Variants in MYO1F observed in about 807,000 individuals in gnomAD.
MYO1F encodes the protein myosin IF, also known as unconventional myosin-If.
In MYO1F, 60 loss-of-function variants were observed where a neutral mutation model predicts 146.6. The ratio of observed to expected loss-of-function variants is 0.41; its 90% CI spans 0.33 to 0.51. MYO1F has a LOEUF of 0.51. Among genes scored for constraint, MYO1F ranks in the 20% least tolerant of loss-of-function variants. The probability of loss-of-function intolerance (pLI) is 0.25; values close to 1 mark genes in which losing one functional copy is unlikely to be tolerated. For missense variants in MYO1F, 1,274 were observed against 1,534.3 expected (o/e 0.83, Z 2.83); for synonymous variants, 602 against 602.1 (o/e 1.00, Z 0.00).
At chr19:8,545,800 T>C in intron 12 of MYO1F, 64 bp from the exon 13 acceptor site, 3 of 1,123,000 alleles carry the variant, frequency 2.7e-6, no homozygotes, top group South Asian at 1.2e-5. Flanking sequence ...CTTCCCCCCA[T>C]GTCCTCTCCC....
rs1555734072 is a variant in MYO1F, at chr19:8,577,365, T to C, written c.-56A>G. ...GCTCCTGAATGGGTCGTGATGGAGG[T>C]GCAGGTTCAGGGGGATCTTGGGGGT... On this transcript the variant is annotated 5_prime_UTR_variant, in exon 1 of 28. Transcript: ENST00000644032. This position sits in a 1 kb window ranked among gnomAD's most constrained non-coding sequence, Gnocchi z 4.3. 2.5e-6 allele frequency: 4 copies of C among 1,609,448 alleles called. No homozygotes were observed. The highest frequency in any genetic ancestry group is 3.4e-6 in the Non-Finnish European group (4 of 1,176,370).
intron 1 of MYO1F, among the ~76,000 whole-genome samples, chr19:8,567,241 T>A (rs1449074584): frequency 6.6e-6 from 1 of 151,696 alleles, no homozygotes; most frequent in Admixed American, 6.6e-5. Context: ...AATTTTTGTA[T>A]TTTTAGTAGA....
At chr19:8,571,900 G>A (rs1439924678) in intron 1 of MYO1F, among the ~76,000 whole-genome samples, 1 of 151,004 alleles carries the variant, frequency 6.6e-6, no homozygotes, top group African/African-American at 2.4e-5. Flanking sequence ...CCCAGCCCCT[G>A]TATTTTTAGA....
intron 24 of MYO1F, 50 bp from the exon 25 acceptor site, chr19:8,525,612 G>A (rs1972234587): frequency 1.3e-6 from 2 of 1,504,922 alleles, no homozygotes; most frequent in Non-Finnish European, 1.8e-6. Context: ...CACGCTCTTT[G>A]CCCCGCCCAC....
intron 1 of MYO1F, among the ~76,000 whole-genome samples, chr19:8,574,579 C>CTTTCTTTCTTTCTT (rs782195626): frequency 3.2e-4 from 28 of 88,884 alleles, no homozygotes; most frequent in Non-Finnish European, 4.1e-4. Context: ...TTCTTTCTTT[C>CTTTCTTTCTTTCTT]TCTCTCTCTC....
chr19:8,527,063 G>A (rs1972303188), intron 22 of MYO1F, 128 bp from the exon 23 acceptor site: 3 of 1,297,384 alleles, frequency 2.3e-6, no homozygotes, highest in African/African-American at 1.5e-5. Flanking sequence ...CGGTGACCAG[G>A]TAGGAGAAAA....
chr19:8,562,176 T>C (rs1362289939), intron 1 of MYO1F, among the ~76,000 whole-genome samples: 1 of 150,876 alleles, frequency 6.6e-6, no homozygotes, highest in African/African-American at 2.5e-5. Flanking sequence ...TTTTTTTTTG[T>C]ATTTTTAGTG....
At chr19:8,552,233 G>A (rs1973643897) in intron 6 of MYO1F, 69 bp from the exon 7 acceptor site, 7 of 1,532,710 alleles carry the variant, frequency 4.6e-6, no homozygotes, top group Non-Finnish European at 6.3e-6. Context: ...GTTGGGGATG[G>A]GTCTTATGAG....
intron 22 of MYO1F, 22 bp downstream of exon 22, chr19:8,527,316 G>T (rs1477242616): frequency 1.2e-6 from 2 of 1,613,814 alleles, no homozygotes; most frequent in South Asian, 2.2e-5. Context: ...TGACTGTGCG[G>T]CAGGTAAGGA....
intron 14 of MYO1F, among the ~76,000 whole-genome samples, chr19:8,543,690 G>C (rs1404698416): frequency 0.015 from 295 of 19,368 alleles, no homozygotes; most frequent in Non-Finnish European, 0.022. Context: ...GGTGGTGGTG[G>C]TGGTGGTGGT....
At chr19:8,534,655 T>A (rs1333209997) in intron 19 of MYO1F, among the ~76,000 whole-genome samples, 1 of 151,466 alleles carries the variant, frequency 6.6e-6, no homozygotes, top group Admixed American at 6.6e-5. Flanking sequence ...AGATGGAGTC[T>A]CACTCTGTTG....
intron 1 of MYO1F, among the ~76,000 whole-genome samples, chr19:8,560,345 T>C (rs1328384121): frequency 6.7e-6 from 1 of 150,246 alleles, no homozygotes; most frequent in Non-Finnish European, 1.5e-5. Flanking sequence ...AGTAGCCGGG[T>C]GTGGGGGTGC....
In MYO1F at chr19:8,530,682, C is replaced by T. The variant is rs1238114122; in HGVS notation, c.2044-109G>A. The T allele has an allele frequency of 2.4e-6, 2 of 848,272 alleles. No homozygotes were observed. The highest frequency in any genetic ancestry group is 3.9e-6 in the Non-Finnish European group (2 of 510,326). The allele number at this position is 848,272 out of a possible 1,614,324, so 52.5% of individuals were successfully genotyped here. A position where few individuals can be genotyped will look rare whatever the true frequency, so the allele number is the denominator to read the frequency against. On this transcript the variant is annotated intron_variant, in intron 19 of 27. Coordinates refer to ENST00000644032, the MANE Select transcript of MYO1F (RefSeq NM_012335.4). This position sits in a 1 kb window ranked among gnomAD's most constrained non-coding sequence, Gnocchi z 5.8. ...ACTCACACGCTTTTGCTCACCCATC[C>T]CCACACATGTGCTAATTTTTTTAAG...
intron 19 of MYO1F, among the ~76,000 whole-genome samples, chr19:8,532,901 A>AAAAATAT (rs1172873322): frequency 2.1e-5 from 1 of 47,826 alleles, no homozygotes; most frequent in African/African-American, 1.1e-4. Flanking sequence ...AAAAAAAAAA[A>AAAAATAT]ATACACACAC....
At chr19:8,546,911 T>G (rs1973383234) in intron 12 of MYO1F, among the ~76,000 whole-genome samples, 1 of 152,024 alleles carries the variant, frequency 6.6e-6, no homozygotes, top group African/African-American at 2.4e-5. Flanking sequence ...ACTCCTGACC[T>G]CAGGTGATCC....
intron 12 of MYO1F, 38 bp downstream of exon 12, chr19:8,547,998 C>G (rs745398695): frequency 8.0e-7 from 1 of 1,249,192 alleles, no homozygotes; most frequent in Non-Finnish European, 1.2e-6. Flanking sequence ...CCCACCCCCA[C>G]CCCAGGATCC....
chr19:8,554,875 C>T, intron 2 of MYO1F, 132 bp from the exon 3 acceptor site: 1 of 872,750 alleles, frequency 1.1e-6, no homozygotes, highest in Non-Finnish European at 1.9e-6. Flanking sequence ...ATGGATGCAC[C>T]TCGAGTCTCT....
In MYO1F at chr19:8,536,262, T is replaced by A; in HGVS notation, c.2033A>T (p.Asn678Ile). 1 of 1,605,884 alleles carries A rather than the reference T, an allele frequency of 6.2e-7. No homozygotes were observed. The change falls in exon 19 of 28, where the codon AAC becomes ATC. Residue 678 changes from asparagine (N) to isoleucine (I), a missense_variant. Asn to Ile is a moderately radical substitution (Grantham distance 149). This residue lies in a region of MYO1F where 900 missense variants were observed against 1,155.1 expected (regional missense o/e 0.78). Coordinates refer to ENST00000644032, the MANE Select transcript of MYO1F (RefSeq NM_012335.4). ...QMGSTKVFVK[N>I]PESLFLLEEV... ...CTCAAACACACTCACCGACTCTGGG[T>A]TCTTGACAAAGACCTTGGTGCTCCC...
chr19:8,526,525 C>A lies in MYO1F; in HGVS notation c.2698G>T (p.Asp900Tyr), dbSNP rs1351928513. 5 of 1,586,576 alleles carry A rather than the reference C, an allele frequency of 3.2e-6. No homozygotes were observed. The highest frequency in any genetic ancestry group is 1.8e-5 in the Admixed American group (1 of 54,368). The part of the protein sequence containing the change: ...RSVTFSRGFG[D>Y]LAVLKVGGRT... ...CCGCCAACCTTGAGCACTGCCAAGTCGCCGAAGCCGCGGGAGAAGGTGACG... is the reference window on the plus strand; with the variant it reads ...CCGCCAACCTTGAGCACTGCCAAGTAGCCGAAGCCGCGGGAGAAGGTGACG... Residue 900 changes from aspartate (D) to tyrosine (Y), a missense_variant, in exon 24 of 28, where the codon GAC becomes TAC. Asp to Tyr is a radical substitution (Grantham distance 160). Coordinates refer to ENST00000644032, the MANE Select transcript of MYO1F (RefSeq NM_012335.4).
Sources: gnomAD v4.1 joint callset for allele counts (sites outside exome capture counted in the v4.1 genomes callset) on GRCh38, gnomAD v4.1.1 for gene constraint, gnomAD v4.1.1 regional missense constraint, Gnocchi (gnomAD v3.1) non-coding constraint, MANE v1.5 for transcripts, NCBI Gene and HGNC (gene_info 2026-07-23, HGNC 2026-07-21) for gene names.